The following CSNK2A2IP variants were observed in gnomAD, a reference collection of about 807,000 sequenced individuals.
CSNK2A2IP encodes the protein casein kinase 2 subunit alpha' interacting protein.
chr3:88,449,071 C>T, the CSNK2A2IP span, among the ~76,000 whole-genome samples: 1 of 152,066 alleles, frequency 6.6e-6, no homozygotes, highest in African/African-American at 2.4e-5. Context: ...CTTCCTCCTT[C>T]CCTTCTCTCC....
the CSNK2A2IP span, among the ~76,000 whole-genome samples, chr3:88,407,157 C>A: frequency 2.0e-5 from 3 of 152,070 alleles, no homozygotes; most frequent in Non-Finnish European, 4.4e-5. Context: ...ATCCTACCTC[C>A]TCAGACTCTT....
At chr3:88,464,200 T>C in the CSNK2A2IP span, among the ~76,000 whole-genome samples, 1 of 150,830 alleles carries the variant, frequency 6.6e-6, no homozygotes, top group Admixed American at 6.6e-5. Context: ...CATTAGGAGA[T>C]ATACCTAATG....
chr3:88,429,775 C>A, the CSNK2A2IP span, among the ~76,000 whole-genome samples: 1 of 152,144 alleles, frequency 6.6e-6, no homozygotes, highest in Non-Finnish European at 1.5e-5. Context: ...TTTTTTGAGA[C>A]GGAGTCTCGT....
chr3:88,437,538 TA>T, the CSNK2A2IP span, among the ~76,000 whole-genome samples: 2 of 152,234 alleles, frequency 1.3e-5, no homozygotes, highest in Non-Finnish European at 2.9e-5. Flanking sequence ...AAACTATTCT[TA>T]AACACTTTTA....
the CSNK2A2IP span, chr3:88,343,033 C>T: frequency 6.6e-6 from 1 of 151,924 alleles, no homozygotes; most frequent in Non-Finnish European, 1.5e-5. Context: ...CAGCATATTT[C>T]CAGATTCATA....
At chr3:88,344,330 A>AACAT in the CSNK2A2IP span, among the ~76,000 whole-genome samples, 1 of 151,940 alleles carries the variant, frequency 6.6e-6, no homozygotes, top group Non-Finnish European at 1.5e-5. Context: ...CAATGAAGGC[A>AACAT]TGTGTCTTTT....
the CSNK2A2IP span, among the ~76,000 whole-genome samples, chr3:88,396,595 C>T: frequency 2.6e-5 from 4 of 152,102 alleles, no homozygotes; most frequent in African/African-American, 7.2e-5. Flanking sequence ...GGAGGAAACA[C>T]AGTGAGGTTA....
the CSNK2A2IP span, among the ~76,000 whole-genome samples, chr3:88,378,543 A>G: frequency 5.6e-4 from 85 of 152,146 alleles, 2 homozygotes; most frequent in South Asian, 0.017. Flanking sequence ...CTAAAGAATT[A>G]AACTTTTAGT....
At chr3:88,416,243 G>C in the CSNK2A2IP span, among the ~76,000 whole-genome samples, 1 of 149,192 alleles carries the variant, frequency 6.7e-6, no homozygotes, top group African/African-American at 2.5e-5. Context: ...CTGCACTCCA[G>C]CCTGGGTGAC....
At chr3:88,416,928 T>G in the CSNK2A2IP span, among the ~76,000 whole-genome samples, 9 of 152,014 alleles carry the variant, frequency 5.9e-5, no homozygotes, top group African/African-American at 2.2e-4. Flanking sequence ...TATTATGGCA[T>G]GAAAATAATT....
At chr3:88,422,572 T>G in the CSNK2A2IP span, among the ~76,000 whole-genome samples, 1 of 152,330 alleles carries the variant, frequency 6.6e-6, no homozygotes, top group South Asian at 2.1e-4. Context: ...TAATATAGTT[T>G]ACTACAAAAA....
At chr3:88,340,240 G>C in the CSNK2A2IP span, among the ~76,000 whole-genome samples, 2 of 151,814 alleles carry the variant, frequency 1.3e-5, no homozygotes, top group African/African-American at 4.8e-5. Flanking sequence ...CTGCCATGAG[G>C]TAGTATTTAG....
chr3:88,425,462 A>G, the CSNK2A2IP span, among the ~76,000 whole-genome samples: 1 of 152,168 alleles, frequency 6.6e-6, no homozygotes, highest in South Asian at 2.1e-4. Context: ...CTATTTTTAA[A>G]TATTTATATC....
At chr3:88,374,120 CA>C in the CSNK2A2IP span, among the ~76,000 whole-genome samples, 2 of 151,556 alleles carry the variant, frequency 1.3e-5, no homozygotes, top group Admixed American at 1.3e-4. Flanking sequence ...AGATTACACA[CA>C]AGCAAGGGTT....
the CSNK2A2IP span, among the ~76,000 whole-genome samples, chr3:88,378,552 G>T: frequency 6.6e-6 from 1 of 151,910 alleles, no homozygotes; most frequent in South Asian, 2.1e-4. Context: ...TAAACTTTTA[G>T]TGTAATTTAA....
chr3:88,450,946 T>C, the CSNK2A2IP span, among the ~76,000 whole-genome samples: 1 of 152,178 alleles, frequency 6.6e-6, no homozygotes, highest in African/African-American at 2.4e-5. Flanking sequence ...TTATACTGAC[T>C]GTGTCAATCT....
chr3:88,372,609 G>C, the CSNK2A2IP span, among the ~76,000 whole-genome samples: 2 of 151,180 alleles, frequency 1.3e-5, no homozygotes, highest in Non-Finnish European at 3.0e-5. Context: ...TAGCAAAATG[G>C]CAGAAATAAG....
At chr3:88,351,619 A>T in the CSNK2A2IP span, among the ~76,000 whole-genome samples, 4 of 152,076 alleles carry the variant, frequency 2.6e-5, no homozygotes, top group East Asian at 7.7e-4. Context: ...CTAATAAAAA[A>T]TTTCACTTAA....
At chr3:88,405,123 A>G in the CSNK2A2IP span, among the ~76,000 whole-genome samples, 2 of 152,112 alleles carry the variant, frequency 1.3e-5, no homozygotes, top group Admixed American at 6.6e-5. Context: ...TTCTTTCACT[A>G]TAAATTCCAC....
Sources: gnomAD v4.1 joint callset for allele counts (sites outside exome capture counted in the v4.1 genomes callset) on GRCh38, gnomAD v4.1.1 for gene constraint, MANE v1.5 for transcripts, NCBI Gene and HGNC (gene_info 2026-07-23, HGNC 2026-07-21) for gene names.